The following WDPCP variants were observed in gnomAD, a reference collection of about 807,000 sequenced individuals.
The protein encoded by WDPCP is WD repeat containing planar cell polarity effector.
Under a neutral mutation model 93.1 loss-of-function variants are expected in WDPCP, and 71 were observed. That is an observed-to-expected ratio of 0.76 (90% CI 0.63 to 0.93). The LOEUF (loss-of-function observed/expected upper bound fraction) is 0.93, where lower values mean the gene tolerates loss of function less well. Among genes scored for constraint, WDPCP ranks in the 40% least tolerant of loss-of-function variants. The pLI is 0.00. For synonymous variants in WDPCP, 315 were observed against 315.0 expected (o/e 1.00, Z 0.00); for missense variants, 844 against 887.4 (o/e 0.95, Z 0.62).
At chr2:63,450,725 G>T (rs1399317844) in intron 6 of WDPCP, among the ~76,000 whole-genome samples, 5 of 152,224 alleles carry the variant, frequency 3.3e-5, no homozygotes, top group African/African-American at 1.2e-4. Flanking sequence ...GGAAATCACA[G>T]ATACCACTGA....
At chr2:63,282,576 A>G (rs2104944683) in intron 13 of WDPCP, among the ~76,000 whole-genome samples, 1 of 152,322 alleles carries the variant, frequency 6.6e-6, no homozygotes, top group African/African-American at 2.4e-5. Context: ...AGAAATCTAC[A>G]TCTTTACAGC....
chr2:63,239,224 T>C, intron 14 of WDPCP, among the ~76,000 whole-genome samples: 1 of 152,192 alleles, frequency 6.6e-6, no homozygotes, highest in Admixed American at 6.5e-5. Context: ...TTTTCTTTTC[T>C]TTTTTTTGAG....
Position 63,230,038 on chromosome 2 carries a change from A to C in WDPCP, c.1915+29269T>G, listed in dbSNP as rs925998312. Among the ~76,000 whole-genome samples the C allele has an allele frequency of 8.0e-5, 12 of 149,942 alleles. 1 individual carries two copies. The South Asian group carries it at 2.6e-3, about 32-fold the overall frequency. On this transcript the variant is annotated intron_variant, in intron 14 of 17. Transcript: ENST00000272321. The stretch of plus-strand genomic sequence containing the variant: ...GCCATGTTGGTGTGCTGCACCCCTT[A>C]ACTCATCATTTGCATTAGGTATATC...
At chr2:63,632,884 C>A (rs983766074) in intron 3 of WDPCP, among the ~76,000 whole-genome samples, 1 of 151,960 alleles carries the variant, frequency 6.6e-6, no homozygotes, top group Non-Finnish European at 1.5e-5. Flanking sequence ...CTCATAGATC[C>A]CCATACAGAT....
intron 9 of WDPCP, among the ~76,000 whole-genome samples, chr2:63,404,956 T>C (rs1365034158): frequency 6.6e-6 from 1 of 152,196 alleles, no homozygotes; most frequent in Non-Finnish European, 1.5e-5. Flanking sequence ...GGAAGGCCTG[T>C]AAATCACTTT....
At chr2:63,374,531 T>C (rs1480356353) in intron 12 of WDPCP, among the ~76,000 whole-genome samples, 4 of 152,174 alleles carry the variant, frequency 2.6e-5, no homozygotes, top group African/African-American at 7.2e-5. Flanking sequence ...GTATTTACTA[T>C]ATATGCTCTA....
Position 63,121,679 on chromosome 2 carries a change from CT to C in WDPCP, c.*326del. ...GCACTATGCCTGCCCCCTACTGCCC[CT>C]TTTTTAAAGTACCTGGGAGAACAAA... On this transcript the variant is annotated 3_prime_UTR_variant, in exon 18 of 18. Coordinates refer to ENST00000272321, the MANE Select transcript of WDPCP (RefSeq NM_015910.7). 8.2e-6 allele frequency: 3 copies of C among 367,680 alleles called. No individual in the cohort carries two copies. Among genetic ancestry groups the C allele is most frequent in the South Asian group, 4.4e-5 (1 of 22,522 alleles). 22.8% of individuals were successfully genotyped at this position (367,680 alleles called of 1,614,324 possible).
intron 8 of WDPCP, among the ~76,000 whole-genome samples, chr2:63,435,349 T>G (rs1011401998): frequency 4.6e-5 from 7 of 152,170 alleles, no homozygotes; most frequent in African/African-American, 1.7e-4. Flanking sequence ...ACTTCCTTGT[T>G]TTAAAATCCA....
At chr2:63,487,386 G>T in intron 3 of WDPCP, 61 bp downstream of exon 3, 1 of 1,204,808 alleles carries the variant, frequency 8.3e-7, no homozygotes, top group Non-Finnish European at 1.2e-6. Flanking sequence ...TTAATGGTCA[G>T]TATTTCATGG....
In WDPCP at chr2:63,540,743, T is replaced by G. The variant is rs189451136; in HGVS notation, c.75+47454A>C. Among the ~76,000 whole-genome samples the G allele has an allele frequency of 1.1e-3, 160 of 152,110 alleles. 1 individual carries two copies. Among genetic ancestry groups the G allele is most frequent in the African/African-American group, 3.8e-3 (158 of 41,496 alleles). On this transcript the variant is annotated intron_variant, in intron 1 of 17. Coordinates refer to ENST00000272321, the MANE Select transcript of WDPCP (RefSeq NM_015910.7). Reference sequence around the variant, plus strand: ...AATTGGATCCATTTTGATATAGTGGTTTTTTTGTTTGTTTGTTTGTTTGTT... The same window carrying G: ...AATTGGATCCATTTTGATATAGTGGGTTTTTTGTTTGTTTGTTTGTTTGTT...
intron 17 of WDPCP, among the ~76,000 whole-genome samples, chr2:63,130,735 C>A (rs575792065): frequency 1.3e-5 from 2 of 151,936 alleles, no homozygotes; most frequent in African/African-American, 4.8e-5. Flanking sequence ...TTTTTCAAGT[C>A]TTCTGTTGTC....
At chr2:63,707,408 G>A (rs1669177267) in intron 2 of WDPCP, among the ~76,000 whole-genome samples, 1 of 152,028 alleles carries the variant, frequency 6.6e-6, no homozygotes, top group Non-Finnish European at 1.5e-5. Flanking sequence ...CTTTCTTCCA[G>A]TTGATCGCAT....
chr2:63,482,912 CGATTA>C (rs1305461077), intron 6 of WDPCP, among the ~76,000 whole-genome samples: 2 of 151,598 alleles, frequency 1.3e-5, no homozygotes, highest in Non-Finnish European at 2.9e-5. Context: ...CCTGATTAAC[CGATTA>C]GATTACTGTA....
At chr2:63,279,631 A>T (rs1407725228) in intron 13 of WDPCP, among the ~76,000 whole-genome samples, 1 of 152,200 alleles carries the variant, frequency 6.6e-6, no homozygotes, top group African/African-American at 2.4e-5. Context: ...AAGAGAAAGA[A>T]ATCAAGGGCA....
intron 1 of WDPCP, among the ~76,000 whole-genome samples, chr2:63,539,642 T>C (rs1269699356): frequency 3.9e-5 from 6 of 152,008 alleles, no homozygotes; most frequent in Non-Finnish European, 7.4e-5. Flanking sequence ...GCTCAGATAA[T>C]ACCACTGCAC....
chr2:63,186,787 G>A lies in WDPCP; in HGVS notation c.1916-11955C>T, dbSNP rs1434628206. Among the ~76,000 whole-genome samples the A allele has an allele frequency of 3.3e-4, 50 of 149,872 alleles. 1 individual carries two copies. The highest frequency in any genetic ancestry group is 3.3e-3 in the Admixed American group (50 of 15,070). On this transcript the variant is annotated intron_variant, in intron 14 of 17. Transcript: ENST00000272321. ...TTGAATAAAAGAGCACTATATGACT[G>A]TGCACTGTTTTGTGTGTGTGTGTGT...
intron 14 of WDPCP, among the ~76,000 whole-genome samples, chr2:63,192,574 TTAATTGGC>T: frequency 6.6e-6 from 1 of 152,316 alleles, no homozygotes; most frequent in East Asian, 1.9e-4. Context: ...GTCAAAGAGG[TTAATTGGC>T]TTGCTCTAAA....
intron 12 of WDPCP, among the ~76,000 whole-genome samples, chr2:63,351,681 CAT>C (rs1200339180): frequency 6.6e-6 from 1 of 152,168 alleles, no homozygotes; most frequent in African/African-American, 2.4e-5. Flanking sequence ...TTGATAGGCA[CAT>C]GAGTGGATTC....
chr2:63,599,637 T>A (rs1332111276), intron 3 of WDPCP: 4 of 160,898 alleles, frequency 2.5e-5, no homozygotes, highest in South Asian at 1.7e-4. Context: ...CAGATACATA[T>A]AATCTCATAT....
Sources: allele counts gnomAD v4.1 joint callset (sites outside exome capture counted in the v4.1 genomes callset), GRCh38; gene constraint gnomAD v4.1.1; transcripts MANE v1.5; gene names NCBI Gene and HGNC (gene_info 2026-07-23, HGNC 2026-07-21).